Variants in VIPR2 observed in about 807,000 individuals in gnomAD.
VIPR2 encodes the protein vasoactive intestinal polypeptide receptor 2.
A neutral mutation model predicts 58.0 loss-of-function variants in VIPR2; 48 were observed. That is an observed-to-expected ratio of 0.83 (90% confidence interval 0.66 to 1.05). The LOEUF is 1.05. VIPR2 is among the 50% of genes least tolerant of loss of function. VIPR2 has a pLI of 0.00. For synonymous variants in VIPR2, 243 were observed against 235.2 expected (o/e 1.03, Z -0.30); for missense variants, 534 against 558.0 (o/e 0.96, Z 0.43).
In VIPR2 at chr7:159,103,794, T is replaced by A. The variant is rs1485584145; in HGVS notation, c.320A>T (p.Asp107Val). ...CTCCGGGTCGCTGTAGCCACAGGCATCGACGAAATCTGGGAACGTCTCTGA... is the reference window on the plus strand; with the variant it reads ...CTCCGGGTCGCTGTAGCCACAGGCAACGACGAAATCTGGGAACGTCTCTGA... ...GWSETFPDFV[D>V]ACGYSDPEDE... The change falls in exon 4 of 13, where the codon GAT becomes GTT. Residue 107 changes from aspartate (D) to valine (V), a missense_variant. Physicochemically the swap from Asp to Val is radical, Grantham distance 152. This residue lies in a region of VIPR2 where 224 missense variants were observed against 255.7 expected (regional missense o/e 0.88). Coordinates refer to ENST00000262178, the MANE Select transcript of VIPR2 (RefSeq NM_003382.5). 1.9e-6 allele frequency: 3 copies of A among 1,614,198 alleles called. No individual in the cohort carries two copies. Among genetic ancestry groups the A allele is most frequent in the East Asian group, 4.5e-5 (2 of 44,876 alleles).
intron 2 of VIPR2, among the ~76,000 whole-genome samples, chr7:159,141,871 G>A (rs112902792): frequency 1.3e-5 from 2 of 152,196 alleles, no homozygotes; most frequent in Non-Finnish European, 2.9e-5. Flanking sequence ...TATAGGCCGG[G>A]TGCTATCCCA....
At chr7:159,037,001 T>G (rs1854009006) in intron 6 of VIPR2, 99 bp from the exon 7 acceptor site, 3 of 1,405,660 alleles carry the variant, frequency 2.1e-6, no homozygotes, top group Non-Finnish European at 2.9e-6. Flanking sequence ...GCTTGGTATC[T>G]GTGCAAGGAA....
At chr7:159,074,904 T>C (rs1448501834) in intron 4 of VIPR2, among the ~76,000 whole-genome samples, 1 of 152,142 alleles carries the variant, frequency 6.6e-6, no homozygotes, top group Non-Finnish European at 1.5e-5. Flanking sequence ...AAAGAACATG[T>C]AGGAAAAACT....
intron 2 of VIPR2, among the ~76,000 whole-genome samples, chr7:159,131,798 TC>T (rs1796924411): frequency 6.6e-6 from 1 of 152,166 alleles, no homozygotes; most frequent in Non-Finnish European, 1.5e-5. Context: ...CCTGAAAAAT[TC>T]CTGAGCAGAC....
At chr7:159,103,207 G>A (rs1339211834) in intron 4 of VIPR2, among the ~76,000 whole-genome samples, 2 of 152,200 alleles carry the variant, frequency 1.3e-5, no homozygotes, top group Non-Finnish European at 2.9e-5. Context: ...CAGCAAGTTT[G>A]TGCAGCCCGG....
chr7:159,091,603 C>A (rs892985225), intron 4 of VIPR2, among the ~76,000 whole-genome samples: 21 of 152,236 alleles, frequency 1.4e-4, no homozygotes, highest in African/African-American at 5.1e-4. Flanking sequence ...GCACGTCACT[C>A]CTCACACAGT....
At position 159,093,441 on chromosome 7, in the gene VIPR2, G is replaced by T. The variant is rs1446553931; in HGVS notation, c.357+10316C>A. 6.6e-6 allele frequency among the ~76,000 whole-genome samples: 1 copy of T among 152,144 alleles called. No homozygotes were observed. The highest frequency in any genetic ancestry group is 1.5e-5 in the Non-Finnish European group (1 of 68,020). On this transcript the variant is annotated intron_variant, in intron 4 of 12. Transcript: ENST00000262178. This position sits in a 1 kb window ranked among gnomAD's most constrained non-coding sequence, Gnocchi z 6.7. ...TCGAGGGTGCTGGCGGGTGTGGCTG[G>T]AGCTCACTCTCACTGCCGGAAGTGA...
At chr7:159,109,271 C>A (rs994988503) in intron 3 of VIPR2, among the ~76,000 whole-genome samples, 1 of 152,204 alleles carries the variant, frequency 6.6e-6, no homozygotes, top group South Asian at 2.1e-4. Flanking sequence ...ACGGAGCATG[C>A]CCTGGGTGCA....
intron 4 of VIPR2, among the ~76,000 whole-genome samples, chr7:159,083,675 A>T (rs1857027251): frequency 6.6e-6 from 1 of 152,234 alleles, no homozygotes; most frequent in African/African-American, 2.4e-5. Flanking sequence ...GAGAGAGGCC[A>T]GGTCTGGTGG....
At chr7:159,084,570 C>G (rs1857075584) in intron 4 of VIPR2, among the ~76,000 whole-genome samples, 1 of 152,112 alleles carries the variant, frequency 6.6e-6, no homozygotes. Flanking sequence ...GGGCACTATG[C>G]CTGTGCAATG....
chr7:159,086,224 T>C (rs907553546), intron 4 of VIPR2, among the ~76,000 whole-genome samples: 10 of 152,170 alleles, frequency 6.6e-5, no homozygotes, highest in African/African-American at 2.4e-4. Flanking sequence ...CAGGGATGCC[T>C]GGGGTGGTTC....
chr7:159,137,732 A>C (rs1797288712), intron 2 of VIPR2, among the ~76,000 whole-genome samples: 1 of 152,226 alleles, frequency 6.6e-6, no homozygotes, highest in Non-Finnish European at 1.5e-5. Context: ...TTAAATATCC[A>C]AGACGAGGAA....
rs1452028716 is a variant in VIPR2, at chr7:159,142,508, T to G, written c.89A>C (p.Glu30Ala). Residue 30 changes from glutamate (E) to alanine (A), a missense_variant, in exon 2 of 13, where the codon GAA becomes GCA. Around this residue, in one of 3 missense-constraint regions of VIPR2, gnomAD observed 224 missense variants for 255.7 expected, o/e 0.88. Transcript: ENST00000262178. ...ACATTTTGTTTCTTCCTCCTGTATTTCCAGATGAAATCGGCATTCTGGGTG... is the reference window on the plus strand; with the variant it reads ...ACATTTTGTTTCTTCCTCCTGTATTGCCAGATGAAATCGGCATTCTGGGTG... ...SIHPECRFHL[E>A]IQEEETKCAE... The G allele has an allele frequency of 6.2e-6, 10 of 1,613,954 alleles. No individual in the cohort carries two copies. The highest frequency in any genetic ancestry group is 6.8e-6 in the Non-Finnish European group (8 of 1,179,996).
intron 4 of VIPR2, among the ~76,000 whole-genome samples, chr7:159,078,866 T>C (rs909061661): frequency 2.0e-5 from 3 of 152,210 alleles, no homozygotes; most frequent in Admixed American, 2.0e-4. Context: ...TGGTTAAATC[T>C]GGGCAGGTGG....
rs115893003 is a variant in VIPR2 at position 159,096,916 on chromosome 7, C to T, written c.357+6841G>A. ...CCTTGCTGTCCCCGTTCCCATCACT[C>T]GATGAGCCAATGCCCTCGTGGCTGG... On this transcript the variant is annotated intron_variant, in intron 4 of 12. Transcript: ENST00000262178. This position sits in a 1 kb window ranked among gnomAD's most constrained non-coding sequence, Gnocchi z 5.5. The T allele has an allele frequency of 2.4e-3, 3,796 of 1,550,786 alleles. 83 individuals carry two copies. The African/African-American group carries it at 0.046, about 19-fold the overall frequency.
intron 4 of VIPR2, chr7:159,059,113 C>T (rs2730257): frequency 0.89 from 355,220 of 400,634 alleles, 160,139 homozygotes; most frequent in East Asian, 1. Context: ...TTAGCAAGGT[C>T]CATGGCTTGA....
intron 2 of VIPR2, among the ~76,000 whole-genome samples, chr7:159,122,192 G>A (rs1376107347): frequency 6.6e-6 from 1 of 152,216 alleles, no homozygotes; most frequent in African/African-American, 2.4e-5. Context: ...ATCATGCACT[G>A]GGAAATGCAC....
Position 159,048,311 on chromosome 7 carries a change from A to G in VIPR2, c.456-5135T>C, listed in dbSNP as rs116672697. 8.2e-3 allele frequency among the ~76,000 whole-genome samples: 1,244 copies of G among 152,298 alleles called. 17 individuals carry two copies. The highest frequency in any genetic ancestry group is 0.028 in the African/African-American group (1,176 of 41,552). On this transcript the variant is annotated intron_variant, in intron 5 of 12. Coordinates refer to ENST00000262178, the MANE Select transcript of VIPR2 (RefSeq NM_003382.5). ...GTGCTTTTGCTTCAAAGTTAGATCA[A>G]CTCTTTCTAAAAATGGTAACCTAGT...
At chr7:159,124,790 T>C (rs1363299975) in intron 2 of VIPR2, among the ~76,000 whole-genome samples, 1 of 152,212 alleles carries the variant, frequency 6.6e-6, no homozygotes, top group Non-Finnish European at 1.5e-5. Context: ...TTCCATTTGT[T>C]TGTGTCACCT....
Sources: gnomAD v4.1 joint callset for allele counts (sites outside exome capture counted in the v4.1 genomes callset) on GRCh38, gnomAD v4.1.1 for gene constraint, gnomAD v4.1.1 regional missense constraint, Gnocchi (gnomAD v3.1) non-coding constraint, MANE v1.5 for transcripts, NCBI Gene and HGNC (gene_info 2026-07-23, HGNC 2026-07-21) for gene names.